CHRNA7: variants seen among roughly 807,000 people sequenced by gnomAD.
CHRNA7 encodes the protein cholinergic receptor nicotinic alpha 7 subunit.
In CHRNA7, 17 loss-of-function variants were observed where a neutral mutation model predicts 48.0. The ratio of observed to expected loss-of-function variants is 0.35; its 90% CI spans 0.24 to 0.53. The LOEUF is 0.53. Among genes scored for constraint, CHRNA7 ranks in the 20% least tolerant of loss-of-function variants. The probability of loss-of-function intolerance (pLI) is 0.92; values close to 1 mark genes in which losing one functional copy is unlikely to be tolerated. For missense variants in CHRNA7, 155 were observed against 577.7 expected, an observed-to-expected ratio of 0.27 and a Z score of 7.50; for synonymous variants, 75 against 242.3, an observed-to-expected ratio of 0.31 and a Z score of 6.41.
intron 3 of CHRNA7, among the ~76,000 whole-genome samples, chr15:32,104,275 C>T (rs900136947): frequency 6.6e-6 from 1 of 152,024 alleles, no homozygotes; most frequent in African/African-American, 2.4e-5. Flanking sequence ...AGCCCGTGCC[C>T]CCCCCTCAGG....
intron 2 of CHRNA7, among the ~76,000 whole-genome samples, chr15:32,046,816 G>A (rs1475652789): frequency 6.6e-6 from 1 of 151,866 alleles, no homozygotes; most frequent in Non-Finnish European, 1.5e-5. Flanking sequence ...TAACGTTTAA[G>A]TCTTTAATCC....
chr15:32,140,780 C>G (rs2051364205), intron 4 of CHRNA7, among the ~76,000 whole-genome samples: 1 of 151,924 alleles, frequency 6.6e-6, no homozygotes, highest in Non-Finnish European at 1.5e-5. Context: ...TTGTTTTTTT[C>G]TTGTAAATTT....
rs75689039 is a variant in CHRNA7 at position 32,137,335 on chromosome 15, ACC to A, written c.351-16563_351-16562del. The stretch of plus-strand genomic sequence containing the variant: ...AAATGTGAGTGGCTATGTTTACAAC[ACC>A]CCCCCCCCACACAAACACAGTAAGA... On this transcript the variant is annotated intron_variant, in intron 4 of 9. Coordinates refer to ENST00000306901, the MANE Select transcript of CHRNA7 (RefSeq NM_000746.6). Among the ~76,000 whole-genome samples the A allele has an allele frequency of 1.3e-3, 189 of 140,272 alleles. 3 individuals carry two copies. In the South Asian group the frequency reaches 0.035, roughly 26 times the overall value. 92.0% of individuals were successfully genotyped at this position (140,272 alleles called of 152,430 possible). A position where few individuals can be genotyped will look rare whatever the true frequency, so the allele number is the denominator to read the frequency against.
chr15:32,134,387 G>A (rs1217805052), intron 4 of CHRNA7, among the ~76,000 whole-genome samples: 1 of 152,168 alleles, frequency 6.6e-6, no homozygotes, highest in Non-Finnish European at 1.5e-5. Context: ...TTGAACTCCT[G>A]ACCTCAGGTG....
intron 4 of CHRNA7, among the ~76,000 whole-genome samples, chr15:32,129,733 T>C (rs1378233470): frequency 6.6e-6 from 1 of 151,864 alleles, no homozygotes; most frequent in Non-Finnish European, 1.5e-5. Flanking sequence ...TTTTATACTT[T>C]TATATTTATT....
intron 4 of CHRNA7, among the ~76,000 whole-genome samples, chr15:32,150,884 A>G (rs1480646933): frequency 2.0e-5 from 3 of 152,032 alleles, no homozygotes; most frequent in Non-Finnish European, 4.4e-5. Context: ...CGGTCAAGCA[A>G]AGAATATTTA....
intron 8 of CHRNA7, chr15:32,162,076 CAAGGT>C (rs1288385941): frequency 7.2e-6 from 1 of 139,544 alleles, no homozygotes; most frequent in East Asian, 2.1e-4. Context: ...ATGCATAGGG[CAAGGT>C]ATTTGGGAAG....
intron 4 of CHRNA7, among the ~76,000 whole-genome samples, chr15:32,151,290 T>C (rs1471156198): frequency 3.9e-5 from 6 of 152,178 alleles, no homozygotes; most frequent in Admixed American, 3.9e-4. Flanking sequence ...ACCCACCTTT[T>C]TCTAGGCCTC....
chr15:32,131,366 C>CT (rs139275618), intron 4 of CHRNA7, among the ~76,000 whole-genome samples: 2,834 of 150,520 alleles, frequency 0.019, 83 homozygotes, highest in African/African-American at 0.065. Context: ...GATTTTTTTT[C>CT]TTTTTTTTGG....
At chr15:32,062,487 C>CTGTA (rs1255231360) in intron 2 of CHRNA7, among the ~76,000 whole-genome samples, 2 of 151,952 alleles carry the variant, frequency 1.3e-5, no homozygotes, top group Non-Finnish European at 2.9e-5. Context: ...TCCAGTAGAC[C>CTGTA]TGTAATTTTC....
chr15:32,059,895 T>A (rs2049849393), intron 2 of CHRNA7, among the ~76,000 whole-genome samples: 1 of 118,126 alleles, frequency 8.5e-6, no homozygotes, highest in South Asian at 2.6e-4. Flanking sequence ...CAAGCTCCGA[T>A]GAGAAACTGA....
intron 2 of CHRNA7, among the ~76,000 whole-genome samples, chr15:32,071,318 A>G (rs2141218829): frequency 6.6e-6 from 1 of 152,330 alleles, no homozygotes; most frequent in Non-Finnish European, 1.5e-5. Context: ...AATATATTAC[A>G]GGGATTTTGA....
intron 2 of CHRNA7, among the ~76,000 whole-genome samples, chr15:32,087,905 T>C (rs1322948828): frequency 2.0e-5 from 3 of 152,206 alleles, no homozygotes; most frequent in Non-Finnish European, 4.4e-5. Flanking sequence ...TTTGAATCCT[T>C]TTGTTACATT....
chr15:32,112,611 A>T (rs946709644), intron 4 of CHRNA7, among the ~76,000 whole-genome samples: 2 of 152,232 alleles, frequency 1.3e-5, no homozygotes, highest in African/African-American at 4.8e-5. Context: ...CTGACTAATA[A>T]GGTGTCAGAC....
At chr15:32,133,239 A>G (rs2051186901) in intron 4 of CHRNA7, among the ~76,000 whole-genome samples, 2 of 152,294 alleles carry the variant, frequency 1.3e-5, no homozygotes, top group Admixed American at 6.5e-5. Flanking sequence ...CTTTTGTTTC[A>G]TACATCTGGA....
intron 4 of CHRNA7, among the ~76,000 whole-genome samples, chr15:32,135,319 A>G (rs540400065): frequency 2.0e-4 from 30 of 152,378 alleles, no homozygotes; most frequent in African/African-American, 6.0e-4. Context: ...TGAAGAATCT[A>G]TTTGACTCAT....
At chr15:32,106,961 A>T (rs1244967427) in intron 3 of CHRNA7, among the ~76,000 whole-genome samples, 1 of 152,200 alleles carries the variant, frequency 6.6e-6, no homozygotes, top group Non-Finnish European at 1.5e-5. Flanking sequence ...CAAGCCGGCT[A>T]GTGGCTTGCT....
chr15:32,085,348 A>G (rs930219999), intron 2 of CHRNA7, among the ~76,000 whole-genome samples: 1 of 152,208 alleles, frequency 6.6e-6, no homozygotes, highest in Non-Finnish European at 1.5e-5. Context: ...ATTGTGATAG[A>G]TCATTAGCCG....
At position 32,127,385 on chromosome 15, in the gene CHRNA7, A is replaced by G. The variant is rs2051085784; in HGVS notation, c.350+15486A>G. 1.3e-5 allele frequency among the ~76,000 whole-genome samples: 2 copies of G among 152,192 alleles called. 1 individual carries two copies. The highest frequency in any genetic ancestry group is 1.3e-4 in the Admixed American group (2 of 15,280). On this transcript the variant is annotated intron_variant, in intron 4 of 9. Coordinates refer to ENST00000306901, the MANE Select transcript of CHRNA7 (RefSeq NM_000746.6). Reference sequence around the variant, plus strand: ...TAAGCAGATGCTTCATTTTATAAGAAACTGCCATACTCTTTTCCAGAGTGG... The same window carrying G: ...TAAGCAGATGCTTCATTTTATAAGAGACTGCCATACTCTTTTCCAGAGTGG...
Sources: gnomAD v4.1 joint callset for allele counts (sites outside exome capture counted in the v4.1 genomes callset) on GRCh38, gnomAD v4.1.1 for gene constraint, MANE v1.5 for transcripts, NCBI Gene and HGNC (gene_info 2026-07-23, HGNC 2026-07-21) for gene names.